The following NTSR1 variants were observed in gnomAD, a reference collection of about 807,000 sequenced individuals.
The protein encoded by NTSR1 is neurotensin receptor 1.
A neutral mutation model predicts 31.2 loss-of-function variants in NTSR1; 29 were observed. That is an observed-to-expected ratio of 0.93 (90% confidence interval 0.69 to 1.27). The LOEUF (loss-of-function observed/expected upper bound fraction) is 1.27, where lower values mean the gene tolerates loss of function less well. Among genes scored for constraint, NTSR1 ranks in the 50% most tolerant of loss-of-function variants. NTSR1 has a pLI of 0.00. For missense variants in NTSR1, 697 were observed against 595.4 expected (o/e 1.17, Z -1.78); for synonymous variants, 282 against 269.9 (o/e 1.04, Z -0.44).
chr20:62,744,202 G>T lies in NTSR1; in HGVS notation c.715-10483G>T, dbSNP rs1375089146. Among the ~76,000 whole-genome samples, 2 of 152,162 alleles carry T rather than the reference G, an allele frequency of 1.3e-5. No individual in the cohort carries two copies. Among genetic ancestry groups the T allele is most frequent in the African/African-American group, 2.4e-5 (1 of 41,422 alleles). ...AATTTGCTTCCTTTCCCACACCCAAGGGAGCACAGTCAGTGCTCCAGGAAC... is the reference window on the plus strand; with the variant it reads ...AATTTGCTTCCTTTCCCACACCCAATGGAGCACAGTCAGTGCTCCAGGAAC... On this transcript the variant is annotated intron_variant, in intron 1 of 3. Transcript: ENST00000370501. This position sits in a 1 kb window ranked among gnomAD's most constrained non-coding sequence, Gnocchi z 4.1.
At position 62,709,720 on chromosome 20, in the gene NTSR1, C is replaced by T. The variant is rs1988564483; in HGVS notation, c.513C>T (p.Cys171=). The T allele has an allele frequency of 6.2e-7, 1 of 1,612,838 alleles. No homozygotes were observed. Among genetic ancestry groups the T allele is most frequent in the Non-Finnish European group, 8.5e-7 (1 of 1,179,926 alleles). The stretch of plus-strand genomic sequence containing the variant: ...GTGTGGAGCGCTACCTGGCCATCTG[C>T]CACCCCTTCAAGGCCAAGACCCTCA... The part of the protein sequence containing the change: ...SLSVERYLAI[C]HPFKAKTLMS... Residue 171 remains cysteine, a synonymous_variant, in exon 1 of 4, where the codon TGC becomes TGT. Coordinates refer to ENST00000370501, the MANE Select transcript of NTSR1 (RefSeq NM_002531.3).
In NTSR1 at chr20:62,758,308, A is replaced by G; in HGVS notation, c.959A>G (p.His320Arg). 6.2e-7 allele frequency: 1 copy of G among 1,612,914 alleles called. No individual in the cohort carries two copies. Among genetic ancestry groups the G allele is most frequent in the Non-Finnish European group, 8.5e-7 (1 of 1,179,770 alleles). Reference sequence around the variant, plus strand: ...TTTGTGGTCTGCTGGCTGCCCTACCACGTGCGGCGCCTCATGTTCTGCTAC... The same window carrying G: ...TTTGTGGTCTGCTGGCTGCCCTACCGCGTGCGGCGCCTCATGTTCTGCTAC... The part of the protein sequence containing the change: ...IAFVVCWLPY[H>R]VRRLMFCYIS... The change falls in exon 3 of 4, where the codon CAC becomes CGC. Residue 320 changes from histidine to arginine, a missense_variant. His to Arg is a conservative substitution (Grantham distance 29). Coordinates refer to ENST00000370501, the MANE Select transcript of NTSR1 (RefSeq NM_002531.3). The surrounding 1 kb of genome is among the most constrained non-coding windows in gnomAD (Gnocchi z 4.5).
At position 62,732,676 on chromosome 20, in the gene NTSR1, C is replaced by T. The variant is rs1989019017; in HGVS notation, c.715-22009C>T. 6.6e-6 allele frequency: 1 copy of T among 152,188 alleles called. No homozygotes were observed. The highest frequency in any genetic ancestry group is 6.5e-5 in the Admixed American group (1 of 15,284). The allele number at this position is 152,188 out of a possible 1,614,324, so 9.4% of individuals were successfully genotyped here. A position where few individuals can be genotyped will look rare whatever the true frequency, so the allele number is the denominator to read the frequency against. ...GACATCCTGGTCTGCGTTTTCCTTT[C>T]TTGTAACATCCTCGGTTTTGTTATT... On this transcript the variant is annotated intron_variant, in intron 1 of 3. Transcript: ENST00000370501. The surrounding 1 kb of genome is among the most constrained non-coding windows in gnomAD (Gnocchi z 4.0).
At chr20:62,710,296 T>C (rs926150264) in intron 1 of NTSR1, among the ~76,000 whole-genome samples, 5 of 152,248 alleles carry the variant, frequency 3.3e-5, no homozygotes, top group Non-Finnish European at 7.3e-5. Flanking sequence ...TTCCTTCCTC[T>C]GCAGAGAAGC....
At chr20:62,718,573 C>T (rs566904330) in intron 1 of NTSR1, among the ~76,000 whole-genome samples, 2 of 144,102 alleles carry the variant, frequency 1.4e-5, no homozygotes, top group South Asian at 2.5e-4. Flanking sequence ...CCCACTGGTC[C>T]GCTCTCCTCC....
rs935834902 is a variant in NTSR1, at chr20:62,762,768, T to G, written c.*2501T>G. On this transcript the variant is annotated 3_prime_UTR_variant, in exon 4 of 4. Transcript: ENST00000370501. ...TAAAGGTGGCCGAAGGGCCTCGATG[T>G]GGACTTGAGTGTTGAGGGCCTGCAT... 1.3e-5 allele frequency: 2 copies of G among 152,248 alleles called. No homozygotes were observed. Among genetic ancestry groups the G allele is most frequent in the African/African-American group, 4.8e-5 (2 of 41,448 alleles). 9.4% of individuals were successfully genotyped at this position (152,248 alleles called of 1,614,324 possible). A position where few individuals can be genotyped will look rare whatever the true frequency, so the allele number is the denominator to read the frequency against.
intron 1 of NTSR1, among the ~76,000 whole-genome samples, chr20:62,724,212 C>T (rs905385043): frequency 4.6e-5 from 7 of 152,218 alleles, no homozygotes; most frequent in Non-Finnish European, 8.8e-5. Flanking sequence ...ACCCAGACCC[C>T]AGCTCAGAGG....
chr20:62,747,639 G>A (rs1392683269), intron 1 of NTSR1, among the ~76,000 whole-genome samples: 2 of 152,314 alleles, frequency 1.3e-5, no homozygotes, highest in East Asian at 3.9e-4. Context: ...GGAAGGCCTA[G>A]CCAGAGCCAT....
intron 1 of NTSR1, among the ~76,000 whole-genome samples, chr20:62,726,525 A>G (rs1039531140): frequency 2.6e-5 from 4 of 152,174 alleles, no homozygotes; most frequent in African/African-American, 9.7e-5. Flanking sequence ...CATCCCAGGC[A>G]TAGCAGGCTT....
rs1286187264 is a variant in NTSR1 at position 62,758,035 on chromosome 20, A to C, written c.917-231A>C. ...GTGCCTCAGGTGCAGTGGGTCTCTG[A>C]GCCCATGTCCTGTCTCTGAGCCCAC... is the stretch of plus-strand genomic sequence containing the variant. On this transcript the variant is annotated intron_variant, in intron 2 of 3. Transcript: ENST00000370501. This position sits in a 1 kb window ranked among gnomAD's most constrained non-coding sequence, Gnocchi z 4.5. Among the ~76,000 whole-genome samples, 1 of 143,140 alleles carries C rather than the reference A, an allele frequency of 7.0e-6. No homozygotes were observed. The highest frequency in any genetic ancestry group is 1.5e-5 in the Non-Finnish European group (1 of 66,626). 93.9% of individuals were successfully genotyped at this position (143,140 alleles called of 152,430 possible). A position where few individuals can be genotyped will look rare whatever the true frequency, so the allele number is the denominator to read the frequency against.
intron 1 of NTSR1, among the ~76,000 whole-genome samples, chr20:62,724,933 G>T (rs1035395533): frequency 8.5e-5 from 13 of 152,146 alleles, no homozygotes; most frequent in African/African-American, 3.1e-4. Context: ...TAGATTTAGG[G>T]CCCACTCCGA....
intron 1 of NTSR1, among the ~76,000 whole-genome samples, chr20:62,718,557 C>A (rs1234057683): frequency 3.3e-5 from 5 of 151,232 alleles, no homozygotes; most frequent in Non-Finnish European, 5.9e-5. Context: ...GATGCCCGCC[C>A]CTCCACCCAC....
chr20:62,739,574 C>T lies in NTSR1; in HGVS notation c.715-15111C>T, dbSNP rs1191449779. Among the ~76,000 whole-genome samples the T allele has an allele frequency of 3.3e-5, 5 of 152,356 alleles. No individual in the cohort carries two copies. In the South Asian group the frequency reaches 8.3e-4, roughly 25 times the overall value. On this transcript the variant is annotated intron_variant, in intron 1 of 3. Transcript: ENST00000370501. ...CCCCGGCCTTCCTCTCTCACCCCTA[C>T]GGCCTCTTCCGGTGGGTGAGGACAC...
In NTSR1 at chr20:62,743,727, G is replaced by T. The variant is rs1273404528; in HGVS notation, c.715-10958G>T. 6.6e-6 allele frequency among the ~76,000 whole-genome samples: 1 copy of T among 152,238 alleles called. No individual in the cohort carries two copies. The highest frequency in any genetic ancestry group is 1.5e-5 in the Non-Finnish European group (1 of 68,042). On this transcript the variant is annotated intron_variant, in intron 1 of 3. Transcript: ENST00000370501. The surrounding 1 kb of genome is among the most constrained non-coding windows in gnomAD (Gnocchi z 7.5). ...CCGGGAAGCAGTGTGCCAGTCTGGGGCTGTCTCTTGATCTAAACACAATGG... is the reference window on the plus strand; with the variant it reads ...CCGGGAAGCAGTGTGCCAGTCTGGGTCTGTCTCTTGATCTAAACACAATGG...
intron 1 of NTSR1, among the ~76,000 whole-genome samples, chr20:62,746,473 G>A (rs1353310397): frequency 6.6e-6 from 1 of 152,210 alleles, no homozygotes; most frequent in Non-Finnish European, 1.5e-5. Context: ...GGCTCCTATG[G>A]CTTCTCCAAG....
At chr20:62,709,944 G>A (rs747112156) in intron 1 of NTSR1, 23 bp downstream of exon 1, 8 of 1,536,616 alleles carry the variant, frequency 5.2e-6, no homozygotes, top group Admixed American at 1.9e-5. Flanking sequence ...AACCAGCCCC[G>A]GGGCTCCCCT....
intron 1 of NTSR1, among the ~76,000 whole-genome samples, chr20:62,726,757 G>A (rs956887221): frequency 1.3e-5 from 2 of 151,856 alleles, no homozygotes; most frequent in African/African-American, 4.8e-5. Flanking sequence ...CATTTTACTA[G>A]GTGAGGAGGA....
chr20:62,734,093 G>A (rs913520112), intron 1 of NTSR1, among the ~76,000 whole-genome samples: 1 of 152,152 alleles, frequency 6.6e-6, no homozygotes, highest in African/African-American at 2.4e-5. Context: ...GCCCGACCTC[G>A]AGTCTGCGCT....
rs1451480415 is a variant in NTSR1, at chr20:62,711,417, CA to C, written c.714+1497del. ...GCTCCTGTCTTTGATTGGCATTGGC[CA>C]GGGGGAACCTCTCCCCAGTCCGCGT... is the stretch of plus-strand genomic sequence containing the variant. On this transcript the variant is annotated intron_variant, in intron 1 of 3. Transcript: ENST00000370501. This position sits in a 1 kb window ranked among gnomAD's most constrained non-coding sequence, Gnocchi z 6.4. 1.3e-5 allele frequency among the ~76,000 whole-genome samples: 2 copies of C among 152,300 alleles called. No individual in the cohort carries two copies. Among genetic ancestry groups the C allele is most frequent in the East Asian group, 1.9e-4 (1 of 5,174 alleles).
Sources: allele counts gnomAD v4.1 joint callset (sites outside exome capture counted in the v4.1 genomes callset), GRCh38; gene constraint gnomAD v4.1.1; non-coding constraint Gnocchi (gnomAD v3.1); transcripts MANE v1.5; gene names NCBI Gene and HGNC (gene_info 2026-07-23, HGNC 2026-07-21).